Variants in CELF3 observed in about 807,000 individuals in gnomAD.
CELF3 encodes the protein CUGBP Elav-like family member 3.
A neutral mutation model predicts 59.6 loss-of-function variants in CELF3; 26 were observed. That is an observed-to-expected ratio of 0.44 (90% CI 0.32 to 0.61). The LOEUF is 0.61. Among genes scored for constraint, CELF3 ranks in the 20% least tolerant of loss-of-function variants. The pLI is 0.06. For synonymous variants in CELF3, 245 were observed against 250.7 expected, an observed-to-expected ratio of 0.98 and a Z score of 0.22; for missense variants, 387 against 627.2, an observed-to-expected ratio of 0.62 and a Z score of 4.09.
At chr1:151,715,585 T>G in intron 1 of CELF3, 1 of 1,398,584 alleles carries the variant, frequency 7.2e-7, no homozygotes, top group Non-Finnish European at 9.4e-7. Context: ...GTCCCTCCAT[T>G]CTTTCTTGAG....
chr1:151,703,773 A>G (rs2102766717), intron 12 of CELF3, among the ~76,000 whole-genome samples: 1 of 151,608 alleles, frequency 6.6e-6, no homozygotes, highest in African/African-American at 2.4e-5. Flanking sequence ...AGGCAGAGAA[A>G]TCGAGAGAGA....
intron 8 of CELF3, 152 bp from the exon 9 acceptor site, chr1:151,706,886 C>T (rs1672593423): frequency 1.4e-6 from 1 of 708,486 alleles, no homozygotes; most frequent in Non-Finnish European, 2.3e-6. Flanking sequence ...ATGCACAAAG[C>T]AGTGGGAAGA....
At chr1:151,708,502 C>T (rs576740970) in intron 5 of CELF3, 77 of 186,790 alleles carry the variant, frequency 4.1e-4, no homozygotes, top group Non-Finnish European at 7.4e-4. Context: ...ACCAAGGCCC[C>T]GTGAAATGTC....
chr1:151,705,093 T>C lies in CELF3; in HGVS notation c.1346A>G (p.Lys449Arg), dbSNP rs758464460. 1.7e-5 allele frequency: 28 copies of C among 1,613,868 alleles called. No individual in the cohort carries two copies. Among genetic ancestry groups the C allele is most frequent in the Non-Finnish European group, 2.2e-5 (26 of 1,179,912 alleles). Reference protein sequence around the residue: ...QAMNGFQIGMKRLKVQLKRPK... With the variant: ...QAMNGFQIGMRRLKVQLKRPK... ...CCGCTTTAGCTGGACTTTGAGGCGCTTCATGCCGATCTGGAAGCCATTCAT... is the reference window on the plus strand; with the variant it reads ...CCGCTTTAGCTGGACTTTGAGGCGCCTCATGCCGATCTGGAAGCCATTCAT... The change falls in exon 12 of 13, where the codon AAG becomes AGG. Residue 449 changes from lysine to arginine, a missense_variant. Physicochemically the swap from Lys to Arg is conservative, Grantham distance 26. Coordinates refer to ENST00000290583, the MANE Select transcript of CELF3 (RefSeq NM_007185.7). The surrounding 1 kb of genome is among the most constrained non-coding windows in gnomAD (Gnocchi z 5.1).
chr1:151,714,473 AGG>A (rs1395813372), intron 2 of CELF3, 119 bp downstream of exon 2: 1 of 750,636 alleles, frequency 1.3e-6, no homozygotes, highest in Admixed American at 2.0e-5. Flanking sequence ...ACAGAGAGAG[AGG>A]GGGACTTCCT....
Position 151,707,891 on chromosome 1 carries a change from C to A in CELF3, c.531G>T (p.Lys177Asn). Residue 177 changes from lysine to asparagine, a missense_variant, in exon 6 of 13, where the codon AAG (lysine) becomes AAT (asparagine). Coordinates refer to ENST00000290583, the MANE Select transcript of CELF3 (RefSeq NM_007185.7). ...GCTGCATGCGGCGGAGACCTCGCTC[C>A]TTCTCAGTGTCAGCAAACTTCACCA... ...SLVVKFADTE[K>N]ERGLRRMQQV... 6.2e-7 allele frequency: 1 copy of A among 1,613,828 alleles called. No homozygotes were observed. Among genetic ancestry groups the A allele is most frequent in the Non-Finnish European group, 8.5e-7 (1 of 1,179,792 alleles).
chr1:151,703,111 AC>A lies in CELF3; in HGVS notation c.*347del. The A allele has an allele frequency of 2.2e-6, 1 of 457,414 alleles. No homozygotes were observed. The highest frequency in any genetic ancestry group is 1.5e-5 in the South Asian group (1 of 64,568). The allele number at this position is 457,414 out of a possible 1,614,324, so 28.3% of individuals were successfully genotyped here. A position where few individuals can be genotyped will look rare whatever the true frequency, so the allele number is the denominator to read the frequency against. On this transcript the variant is annotated 3_prime_UTR_variant, in exon 13 of 13. Coordinates refer to ENST00000290583, the MANE Select transcript of CELF3 (RefSeq NM_007185.7). Reference sequence around the variant, plus strand: ...GGGCCTGCACGGGTAGAACAGGCCCACTGTTGGGGGAGGCAAGTACAAACGC... The same window carrying A: ...GGGCCTGCACGGGTAGAACAGGCCCATGTTGGGGGAGGCAAGTACAAACGC...
In CELF3 at chr1:151,705,286, C is replaced by CACAT. The variant is rs1672416695; in HGVS notation, c.1271-122_1271-119dup. On this transcript the variant is annotated intron_variant, in intron 11 of 12. Coordinates refer to ENST00000290583, the MANE Select transcript of CELF3 (RefSeq NM_007185.7). The surrounding 1 kb of genome is among the most constrained non-coding windows in gnomAD (Gnocchi z 5.1). ...CCCAAATGCCTAGAAAGCTGCCTGC[C>CACAT]ACATAGCAGCATTCCTTAGGAATTT... 2.7e-6 allele frequency: 3 copies of CACAT among 1,115,156 alleles called. No homozygotes were observed. In the East Asian group the frequency reaches 7.4e-5, roughly 28 times the overall value. The allele number at this position is 1,115,156 out of a possible 1,614,324, so 69.1% of individuals were successfully genotyped here. A position where few individuals can be genotyped will look rare whatever the true frequency, so the allele number is the denominator to read the frequency against.
chr1:151,703,526 G>T, intron 12 of CELF3, 78 bp from the exon 13 acceptor site: 1 of 336,252 alleles, frequency 3.0e-6, no homozygotes, highest in South Asian at 2.3e-5. Flanking sequence ...GAGGGGAGGG[G>T]GCTGGGGTGA....
At chr1:151,706,597 C>A in intron 9 of CELF3, 72 bp downstream of exon 9, 1 of 1,455,624 alleles carries the variant, frequency 6.9e-7, no homozygotes, top group Non-Finnish European at 9.4e-7. Context: ...GAAGCCCAGA[C>A]CCAGTTACTG....
Position 151,705,972 on chromosome 1 carries a change from G to C in CELF3, c.1127-7C>G. The C allele has an allele frequency of 6.2e-7, 1 of 1,613,654 alleles. No homozygotes were observed. Among genetic ancestry groups the C allele is most frequent in the Non-Finnish European group, 8.5e-7 (1 of 1,179,756 alleles). On this transcript the variant is annotated splice_polypyrimidine_tract_variant and splice_region_variant and intron_variant, in intron 10 of 12. Coordinates refer to ENST00000290583, the MANE Select transcript of CELF3 (RefSeq NM_007185.7). This position sits in a 1 kb window ranked among gnomAD's most constrained non-coding sequence, Gnocchi z 5.1. ...ATGTTGCAGCCATCAGGGCCTGGGT[G>C]GCGACAGAGACAGAAGAAAGAGCTC...
rs1207161608 is a variant in CELF3 at position 151,702,562 on chromosome 1, C to T, written c.*897G>A. ...CACCCCATTTTCTTTTCCCTAAAAC[C>T]TCTTCCTAAAGAAAATGATCAGGTA... On this transcript the variant is annotated 3_prime_UTR_variant, in exon 13 of 13. Coordinates refer to ENST00000290583, the MANE Select transcript of CELF3 (RefSeq NM_007185.7). 4 of 142,048 alleles carry T rather than the reference C, an allele frequency of 2.8e-5. No individual in the cohort carries two copies. The highest frequency in any genetic ancestry group is 1.0e-4 in the African/African-American group (4 of 38,552). 8.8% of individuals were successfully genotyped at this position (142,048 alleles called of 1,614,324 possible).
Position 151,706,289 on chromosome 1 carries a change from G to C in CELF3, c.1061C>G (p.Pro354Arg). The change falls in exon 10 of 13, where the codon CCC becomes CGC. Residue 354 changes from proline to arginine, a missense_variant. Around this residue, in one of 3 missense-constraint regions of CELF3, gnomAD observed 131 missense variants for 153.7 expected, o/e 0.85. Transcript: ENST00000290583. ...CTGCTGCTGTTGAGGTGGTGGTGGGGGCTGCTGGGCGACCAGGGCTGGAGG... is the reference window on the plus strand; with the variant it reads ...CTGCTGCTGTTGAGGTGGTGGTGGGCGCTGCTGGGCGACCAGGGCTGGAGG... ...PQPPALVAQQ[P>R]PPPPQQQQQQ... 1 of 1,568,564 alleles carries C rather than the reference G, an allele frequency of 6.4e-7. No individual in the cohort carries two copies. The highest frequency in any genetic ancestry group is 8.6e-7 in the Non-Finnish European group (1 of 1,157,288).
chr1:151,716,124 G>A lies in CELF3; in HGVS notation c.-104C>T. ...AGTGGTGGGGCCCGGGGGCCCAGCT[G>A]GGGCTGGCTTTCCCTTTGGCCCCCA... is the stretch of plus-strand genomic sequence containing the variant. On this transcript the variant is annotated 5_prime_UTR_variant, in exon 1 of 13. Transcript: ENST00000290583. The A allele has an allele frequency of 1.6e-6, 2 of 1,265,530 alleles. No homozygotes were observed. The highest frequency in any genetic ancestry group is 2.1e-6 in the Non-Finnish European group (2 of 934,734). 78.4% of individuals were successfully genotyped at this position (1,265,530 alleles called of 1,614,324 possible).
intron 1 of CELF3, 66 bp from the exon 2 acceptor site, chr1:151,714,742 G>T (rs1182406883): frequency 1.7e-6 from 2 of 1,163,954 alleles, no homozygotes; most frequent in Non-Finnish European, 2.5e-6. Flanking sequence ...TCTCTGAAAG[G>T]CTCCCTTCCA....
intron 10 of CELF3, 121 bp from the exon 11 acceptor site, chr1:151,706,086 G>A: frequency 1.3e-6 from 2 of 1,589,604 alleles, no homozygotes; most frequent in East Asian, 2.2e-5. Context: ...TTGACAGTGT[G>A]GGCCAAGTCT....
At chr1:151,710,364 C>T (rs1462772836) in intron 2 of CELF3, 6 of 289,082 alleles carry the variant, frequency 2.1e-5, no homozygotes, top group South Asian at 6.5e-5. Context: ...CGGGAGAATG[C>T]GCACCATGGC....
intron 1 of CELF3, 71 bp downstream of exon 1, chr1:151,715,805 T>A (rs1673431235): frequency 1.3e-6 from 2 of 1,593,726 alleles, no homozygotes; most frequent in East Asian, 4.5e-5. Flanking sequence ...GCTCCACCCC[T>A]CCAGCCTGGC....
rs1672111044 is a variant in CELF3 at position 151,702,049 on chromosome 1, T to C, written c.*1410A>G. On this transcript the variant is annotated 3_prime_UTR_variant, in exon 13 of 13. Transcript: ENST00000290583. Reference sequence around the variant, plus strand: ...TGGAGCAGTGGTTAGTAAATGGTGGTGTCACAACTGGCTCCCAGTATCCAC... The same window carrying C: ...TGGAGCAGTGGTTAGTAAATGGTGGCGTCACAACTGGCTCCCAGTATCCAC... Among the ~76,000 whole-genome samples, 1 of 152,216 alleles carries C rather than the reference T, an allele frequency of 6.6e-6. No individual in the cohort carries two copies. Among genetic ancestry groups the C allele is most frequent in the African/African-American group, 2.4e-5 (1 of 41,444 alleles).
Sources: gnomAD v4.1 joint callset for allele counts (sites outside exome capture counted in the v4.1 genomes callset) on GRCh38, gnomAD v4.1.1 for gene constraint, gnomAD v4.1.1 regional missense constraint, Gnocchi (gnomAD v3.1) non-coding constraint, MANE v1.5 for transcripts, NCBI Gene and HGNC (gene_info 2026-07-23, HGNC 2026-07-21) for gene names.